XRCC5: variants seen among roughly 807,000 people sequenced by gnomAD.
XRCC5 encodes the protein DNA repair protein Ku80.
A neutral mutation model predicts 95.7 loss-of-function variants in XRCC5; 12 were observed. The ratio of observed to expected loss-of-function variants is 0.13; its 90% CI spans 0.08 to 0.20. XRCC5 has a LOEUF of 0.20. Among genes scored for constraint, XRCC5 ranks in the 10% least tolerant of loss-of-function variants. The pLI is 1.00. For synonymous variants in XRCC5, 281 were observed against 290.3 expected, an observed-to-expected ratio of 0.97 and a Z score of 0.33; for missense variants, 595 against 873.9, an observed-to-expected ratio of 0.68 and a Z score of 4.02.
chr2:216,159,705 T>C (rs1338159649), intron 14 of XRCC5, among the ~76,000 whole-genome samples: 1 of 152,196 alleles, frequency 6.6e-6, no homozygotes, highest in Admixed American at 6.5e-5. Context: ...GAAAATAATA[T>C]CTGAAGAGTA....
chr2:216,162,895 A>G (rs1433819754), intron 16 of XRCC5, among the ~76,000 whole-genome samples: 2 of 152,208 alleles, frequency 1.3e-5, no homozygotes, highest in Non-Finnish European at 2.9e-5. Flanking sequence ...TCAGGGATGC[A>G]CAGAGGGCCT....
intron 16 of XRCC5, among the ~76,000 whole-genome samples, chr2:216,169,056 G>A (rs1689105382): frequency 2.0e-5 from 3 of 152,244 alleles, no homozygotes; most frequent in African/African-American, 7.2e-5. Flanking sequence ...GAAAGCCTGG[G>A]AAAGGCTATT....
chr2:216,125,254 A>G (rs1012557702), intron 6 of XRCC5, among the ~76,000 whole-genome samples: 24 of 150,576 alleles, frequency 1.6e-4, no homozygotes, highest in African/African-American at 4.7e-4. Context: ...CTGGAGTGCA[A>G]TGGCGCGATC....
At chr2:216,131,500 CT>C (rs1344160120) in intron 9 of XRCC5, among the ~76,000 whole-genome samples, 8 of 152,116 alleles carry the variant, frequency 5.3e-5, no homozygotes, top group African/African-American at 1.9e-4. Context: ...CTCTTCAATA[CT>C]CATTTTCTAA....
intron 16 of XRCC5, among the ~76,000 whole-genome samples, chr2:216,184,061 TGTGTGTGTGTGTGA>T (rs1405892814): frequency 6.7e-6 from 1 of 149,832 alleles, no homozygotes; most frequent in African/African-American, 2.5e-5. Flanking sequence ...TGTGTGTGTG[TGTGTGTGTGTGTGA>T]TTTAGAGAAA....
Position 216,190,226 on chromosome 2 carries a change from G to A in XRCC5, c.1836G>A (p.Ala612=), listed in dbSNP as rs759357443. The change falls in exon 17 of 21, where the codon GCG becomes GCA. Residue 612 remains alanine (A), a splice_region_variant and synonymous_variant. Coordinates refer to ENST00000392132, the MANE Select transcript of XRCC5 (RefSeq NM_021141.4). The part of the protein sequence containing the change: ...VKQKKASFEE[A]SNQLINHIEQ... ...AAAATTTGTTGTCTTATGTTTTAGC[G>A]AGTAACCAGCTCATAAATCACATCG... 55 of 1,613,186 alleles carry A rather than the reference G, an allele frequency of 3.4e-5. No homozygotes were observed. The highest frequency in any genetic ancestry group is 4.6e-5 in the Non-Finnish European group (54 of 1,179,736).
chr2:216,164,645 A>G (rs1207537892), intron 16 of XRCC5, among the ~76,000 whole-genome samples: 1 of 152,162 alleles, frequency 6.6e-6, no homozygotes, highest in Non-Finnish European at 1.5e-5. Flanking sequence ...GAAAAACTGG[A>G]GCTGGTTTAG....
intron 13 of XRCC5, among the ~76,000 whole-genome samples, chr2:216,146,167 C>T (rs555790910): frequency 1.4e-4 from 22 of 152,234 alleles, no homozygotes; most frequent in Non-Finnish European, 3.1e-4. Context: ...CAAACTCAGA[C>T]AAACAAATGA....
Position 216,117,739 on chromosome 2 carries a change from A to G in XRCC5, c.320-7A>G, listed in dbSNP as rs754961401. ...TTTGGTGATATCCCTATCCTTAACT[A>G]GCTGAGTCCTGGATGCACTAATCGT... On this transcript the variant is annotated splice_region_variant and splice_polypyrimidine_tract_variant and intron_variant, in intron 3 of 20. Coordinates refer to ENST00000392132, the MANE Select transcript of XRCC5 (RefSeq NM_021141.4). 2 of 1,613,944 alleles carry G rather than the reference A, an allele frequency of 1.2e-6. No individual in the cohort carries two copies. Among genetic ancestry groups the G allele is most frequent in the South Asian group, 2.2e-5 (2 of 91,086 alleles).
intron 2 of XRCC5, among the ~76,000 whole-genome samples, chr2:216,115,167 C>G (rs1696669495): frequency 8.8e-6 from 1 of 114,134 alleles, no homozygotes; most frequent in Non-Finnish European, 2.0e-5. Flanking sequence ...TTATGTCTGT[C>G]GTTTCAATTG....
chr2:216,205,267 C>T lies in XRCC5; in HGVS notation c.*65C>T. 1 of 1,607,740 alleles carries T rather than the reference C, an allele frequency of 6.2e-7. No individual in the cohort carries two copies. Among genetic ancestry groups the T allele is most frequent in the Non-Finnish European group, 8.5e-7 (1 of 1,174,336 alleles). On this transcript the variant is annotated 3_prime_UTR_variant, in exon 21 of 21. Coordinates refer to ENST00000392132, the MANE Select transcript of XRCC5 (RefSeq NM_021141.4). ...TGTGATGCTGGGAGTTCTAACAAAA[C>T]AAGTTGGATGCGGCCATTCAAGGGG... is the stretch of plus-strand genomic sequence containing the variant.
At chr2:216,112,956 T>C in intron 1 of XRCC5, 60 bp from the exon 2 acceptor site, 1 of 1,330,970 alleles carries the variant, frequency 7.5e-7, no homozygotes, top group Non-Finnish European at 1.1e-6. Context: ...GCAAGGGACA[T>C]TCTTACAGTC....
intron 16 of XRCC5, among the ~76,000 whole-genome samples, chr2:216,180,799 G>A (rs1403404062): frequency 6.6e-6 from 1 of 151,072 alleles, no homozygotes; most frequent in Non-Finnish European, 1.5e-5. Flanking sequence ...CTGTTGTTTT[G>A]CCCCTTGAGT....
At chr2:216,133,916 G>T (rs1324490297) in intron 10 of XRCC5, among the ~76,000 whole-genome samples, 1 of 152,192 alleles carries the variant, frequency 6.6e-6, no homozygotes, top group Non-Finnish European at 1.5e-5. Context: ...AGGGATGGCA[G>T]ACATAATAGC....
chr2:216,135,095 TTTTG>T (rs140993520), intron 10 of XRCC5, among the ~76,000 whole-genome samples: 120,489 of 151,272 alleles, frequency 0.8, 48,010 homozygotes, highest in East Asian at 0.87. Context: ...GTCATAGTTT[TTTTG>T]TTTGTTTGTT....
chr2:216,124,454 C>T (rs1228874905), intron 6 of XRCC5, among the ~76,000 whole-genome samples: 1 of 152,140 alleles, frequency 6.6e-6, no homozygotes, highest in South Asian at 2.1e-4. Context: ...AGAATTTTCC[C>T]TGAAATAGAA....
intron 6 of XRCC5, among the ~76,000 whole-genome samples, chr2:216,123,796 A>C (rs1696859378): frequency 6.6e-6 from 1 of 152,154 alleles, no homozygotes; most frequent in Non-Finnish European, 1.5e-5. Flanking sequence ...ACAGAGCGAG[A>C]CTCCGTCTCA....
chr2:216,180,091 G>C (rs1689355316), intron 16 of XRCC5, among the ~76,000 whole-genome samples: 2 of 152,152 alleles, frequency 1.3e-5, no homozygotes, highest in South Asian at 4.1e-4. Flanking sequence ...AGGAGAAGAT[G>C]GTCATGCAGG....
intron 14 of XRCC5, among the ~76,000 whole-genome samples, chr2:216,152,159 C>T (rs1048777825): frequency 6.6e-6 from 1 of 152,104 alleles, no homozygotes; most frequent in Non-Finnish European, 1.5e-5. Flanking sequence ...ATTTGGGGCT[C>T]GGCTCAGTGG....
Sources: allele counts gnomAD v4.1 joint callset (sites outside exome capture counted in the v4.1 genomes callset), GRCh38; gene constraint gnomAD v4.1.1; transcripts MANE v1.5; gene names NCBI Gene and HGNC (gene_info 2026-07-23, HGNC 2026-07-21).